TMEM178B: variants seen among roughly 807,000 people sequenced by gnomAD.
TMEM178B encodes the protein transmembrane protein 178B.
A neutral mutation model predicts 31.0 loss-of-function variants in TMEM178B; 5 were observed. That is an observed-to-expected ratio of 0.16 (90% CI 0.08 to 0.34). The LOEUF (loss-of-function observed/expected upper bound fraction) is 0.34, where lower values mean the gene tolerates loss of function less well. Among genes scored for constraint, TMEM178B ranks in the 10% least tolerant of loss-of-function variants. The pLI is 1.00. For missense variants in TMEM178B, 275 were observed against 400.3 expected (o/e 0.69, Z 2.67); for synonymous variants, 164 against 164.0 (o/e 1.00, Z 0.00).
chr7:141,353,682 A>T (rs958753466), intron 2 of TMEM178B, among the ~76,000 whole-genome samples: 1 of 152,228 alleles, frequency 6.6e-6, no homozygotes, highest in Non-Finnish European at 1.5e-5. Context: ...TATTAGGATC[A>T]CACTGCACCA....
intron 1 of TMEM178B, among the ~76,000 whole-genome samples, chr7:141,148,287 C>T (rs1015583890): frequency 6.6e-6 from 1 of 152,178 alleles, no homozygotes; most frequent in Non-Finnish European, 1.5e-5. Context: ...AGGATTATTT[C>T]CTCATCACAG....
At chr7:141,334,759 A>G (rs950286159) in intron 2 of TMEM178B, among the ~76,000 whole-genome samples, 7 of 152,224 alleles carry the variant, frequency 4.6e-5, no homozygotes, top group Non-Finnish European at 7.3e-5. Flanking sequence ...GCCATGTCCT[A>G]TAGAAGGAGA....
chr7:141,493,644 C>G, the TMEM178B span, among the ~76,000 whole-genome samples: 17 of 152,342 alleles, frequency 1.1e-4, no homozygotes, highest in South Asian at 3.1e-3. Flanking sequence ...CCAGCTCCAT[C>G]ACCTTCCGCT....
At chr7:141,298,097 C>G (rs192249502) in intron 2 of TMEM178B, among the ~76,000 whole-genome samples, 5 of 152,224 alleles carry the variant, frequency 3.3e-5, no homozygotes, top group Non-Finnish European at 7.3e-5. Flanking sequence ...TTGCATTTCT[C>G]TGATGGCCAG....
rs1022652844 is a variant in TMEM178B, at chr7:141,278,318, G to A, written c.496+65614G>A. On this transcript the variant is annotated intron_variant, in intron 2 of 3. Transcript: ENST00000565468. Reference sequence around the variant, plus strand: ...ATTGCAGGGCTGGGCACGGTGGCTCGCACCTGTAGTCCCAACACTTTGGGA... The same window carrying A: ...ATTGCAGGGCTGGGCACGGTGGCTCACACCTGTAGTCCCAACACTTTGGGA... 1.8e-4 allele frequency among the ~76,000 whole-genome samples: 27 copies of A among 152,258 alleles called. No homozygotes were observed. In the East Asian group the frequency reaches 2.7e-3, roughly 15 times the overall value.
intron 3 of TMEM178B, among the ~76,000 whole-genome samples, chr7:141,440,258 T>C (rs2116686535): frequency 6.6e-6 from 1 of 152,312 alleles, no homozygotes; most frequent in East Asian, 1.9e-4. Context: ...CCCCTTTCTA[T>C]AGGGTGAATG....
chr7:141,309,594 G>T (rs60881706), intron 2 of TMEM178B, among the ~76,000 whole-genome samples: 2,602 of 152,202 alleles, frequency 0.017, 73 homozygotes, highest in African/African-American at 0.059. Flanking sequence ...ATTAGGGATA[G>T]ATATTAATTT....
At chr7:141,342,172 T>G (rs1799526496) in intron 2 of TMEM178B, among the ~76,000 whole-genome samples, 2 of 152,156 alleles carry the variant, frequency 1.3e-5, no homozygotes, top group South Asian at 4.1e-4. Flanking sequence ...GGTCTCAAAC[T>G]ACTGACCTCA....
chr7:141,184,385 A>G (rs928766395), intron 1 of TMEM178B, among the ~76,000 whole-genome samples: 10 of 152,066 alleles, frequency 6.6e-5, no homozygotes, highest in Admixed American at 3.3e-4. Context: ...GGGTTCAGAG[A>G]GTCCCCAGGA....
chr7:141,273,045 A>G (rs1798210437), intron 2 of TMEM178B, among the ~76,000 whole-genome samples: 2 of 152,242 alleles, frequency 1.3e-5, no homozygotes, highest in African/African-American at 4.8e-5. Context: ...TTATTTAGCC[A>G]TAAAAGGAAG....
chr7:141,161,002 C>T (rs545453994), intron 1 of TMEM178B, among the ~76,000 whole-genome samples: 1 of 152,184 alleles, frequency 6.6e-6, no homozygotes, highest in Non-Finnish European at 1.5e-5. Context: ...GGATTACAGG[C>T]ATGCACCACC....
At chr7:141,456,511 G>A (rs949220566) in intron 3 of TMEM178B, among the ~76,000 whole-genome samples, 18 of 152,188 alleles carry the variant, frequency 1.2e-4, no homozygotes, top group Non-Finnish European at 2.2e-4. Flanking sequence ...CAAATGCAAT[G>A]ATAGATCTGT....
chr7:141,258,854 A>G (rs915529776), intron 2 of TMEM178B, among the ~76,000 whole-genome samples: 11 of 152,302 alleles, frequency 7.2e-5, no homozygotes, highest in African/African-American at 1.9e-4. Flanking sequence ...TCTCCTATAT[A>G]TATGAGTCAG....
chr7:141,221,128 C>T (rs980345786), intron 2 of TMEM178B, among the ~76,000 whole-genome samples: 1 of 152,202 alleles, frequency 6.6e-6, no homozygotes, highest in African/African-American at 2.4e-5. Flanking sequence ...ACTACCTTAT[C>T]TCAGTAAGAG....
chr7:141,437,070 C>T (rs1801558554), intron 2 of TMEM178B, among the ~76,000 whole-genome samples: 1 of 152,162 alleles, frequency 6.6e-6, no homozygotes, highest in African/African-American at 2.4e-5. Context: ...AGCTTTCCCT[C>T]ACCTGCAACC....
At chr7:141,305,254 A>G (rs994769654) in intron 2 of TMEM178B, among the ~76,000 whole-genome samples, 5 of 152,226 alleles carry the variant, frequency 3.3e-5, no homozygotes, top group African/African-American at 1.2e-4. Flanking sequence ...TAGTAAAGCA[A>G]CAACCATAAT....
Position 141,392,008 on chromosome 7 carries a change from T to G in TMEM178B, c.497-45600T>G, listed in dbSNP as rs563125843. Among the ~76,000 whole-genome samples, 162 of 152,240 alleles carry G rather than the reference T, an allele frequency of 1.1e-3. 3 individuals carry two copies. In the South Asian group the frequency reaches 0.032, roughly 30 times the overall value. ...TGAACATGGCTATGAAAATATCTGT[T>G]GGAATCCCTGCTTTCACTTTTGGGG... On this transcript the variant is annotated intron_variant, in intron 2 of 3. Coordinates refer to ENST00000565468, the MANE Select transcript of TMEM178B (RefSeq NM_001195278.2).
At chr7:141,489,700 C>T in the TMEM178B span, among the ~76,000 whole-genome samples, 1 of 152,170 alleles carries the variant, frequency 6.6e-6, no homozygotes, top group Non-Finnish European at 1.5e-5. Flanking sequence ...CGTGTTCTAC[C>T]AGCAGAACAG....
the TMEM178B span, among the ~76,000 whole-genome samples, chr7:141,486,257 G>C: frequency 2.6e-5 from 4 of 152,134 alleles, no homozygotes; most frequent in Non-Finnish European, 5.9e-5. Context: ...AAAGGTGAGG[G>C]GGTGGGAGGG....
Sources: gnomAD v4.1 joint callset for allele counts (sites outside exome capture counted in the v4.1 genomes callset) on GRCh38, gnomAD v4.1.1 for gene constraint, MANE v1.5 for transcripts, NCBI Gene and HGNC (gene_info 2026-07-23, HGNC 2026-07-21) for gene names.